RIMS1: variants seen among roughly 807,000 people sequenced by gnomAD.
RIMS1 encodes the protein regulating synaptic membrane exocytosis 1.
In RIMS1, 83 loss-of-function variants were observed where a neutral mutation model predicts 214.1. The ratio of observed to expected loss-of-function variants is 0.39; its 90% confidence interval spans 0.32 to 0.47. The LOEUF (loss-of-function observed/expected upper bound fraction) is 0.47, where lower values mean the gene tolerates loss of function less well. RIMS1 is among the 20% of genes least tolerant of loss of function. The probability of loss-of-function intolerance (pLI) is 0.99; values close to 1 mark genes in which losing one functional copy is unlikely to be tolerated. For missense variants in RIMS1, 2,050 were observed against 2,161.8 expected (o/e 0.95, Z 1.03); for synonymous variants, 793 against 786.8 (o/e 1.01, Z -0.13).
At chr6:72,048,461 AC>A (rs1823691020) in intron 2 of RIMS1, among the ~76,000 whole-genome samples, 1 of 152,228 alleles carries the variant, frequency 6.6e-6, no homozygotes, top group Non-Finnish European at 1.5e-5. Flanking sequence ...TTCATCAGTG[AC>A]TTTCAGAAAA....
intron 1 of RIMS1, among the ~76,000 whole-genome samples, chr6:71,936,596 C>T (rs1486620277): frequency 6.6e-6 from 1 of 152,172 alleles, no homozygotes; most frequent in Non-Finnish European, 1.5e-5. Context: ...AATAAAGCTT[C>T]CTCTATGGAA....
At chr6:72,390,462 C>A in intron 29 of RIMS1, 136 bp from the exon 30 acceptor site, 2 of 992,908 alleles carry the variant, frequency 2.0e-6, no homozygotes, top group Non-Finnish European at 1.4e-6. Flanking sequence ...AAGCAAAGTA[C>A]TCCCTTAGGT....
At chr6:72,073,402 A>G (rs904252677) in intron 2 of RIMS1, among the ~76,000 whole-genome samples, 1 of 152,218 alleles carries the variant, frequency 6.6e-6, no homozygotes, top group Non-Finnish European at 1.5e-5. Flanking sequence ...TTGCTAGCAG[A>G]ATAAAGAGAA....
intron 22 of RIMS1, among the ~76,000 whole-genome samples, chr6:72,270,690 C>G (rs997324657): frequency 7.2e-5 from 11 of 152,290 alleles, no homozygotes; most frequent in African/African-American, 2.6e-4. Context: ...GCTACAGGGT[C>G]AGGCCTCAGA....
At chr6:72,124,329 T>G (rs2039065432) in intron 4 of RIMS1, among the ~76,000 whole-genome samples, 1 of 151,972 alleles carries the variant, frequency 6.6e-6, no homozygotes, top group Admixed American at 6.6e-5. Flanking sequence ...GTAGAGTTTC[T>G]GCTGAGAGAT....
chr6:72,388,922 C>A (rs367602495), intron 29 of RIMS1, among the ~76,000 whole-genome samples: 68 of 152,160 alleles, frequency 4.5e-4, no homozygotes, highest in African/African-American at 1.6e-3. Context: ...AATGGAGCTA[C>A]TAGGCAATTG....
In RIMS1 at chr6:72,325,229, C is replaced by T. The variant is rs185325585; in HGVS notation, c.4131-8371C>T. On this transcript the variant is annotated intron_variant, in intron 28 of 33. Coordinates refer to ENST00000521978, the MANE Select transcript of RIMS1 (RefSeq NM_014989.7). ...ATAGAAAAAATAGGACAAAATCTCT[C>T]ATTAAAATAGAGAGACCCCAAACAA... Among the ~76,000 whole-genome samples the T allele has an allele frequency of 4.2e-3, 631 of 151,794 alleles. 5 individuals are homozygous for T. The highest frequency in any genetic ancestry group is 0.014 in the African/African-American group (575 of 41,460).
At chr6:71,901,788 A>G (rs530476549) in intron 1 of RIMS1, among the ~76,000 whole-genome samples, 2 of 152,242 alleles carry the variant, frequency 1.3e-5, no homozygotes, top group South Asian at 4.1e-4. Context: ...ACCTGAATCA[A>G]TTTTTTAAAA....
At chr6:72,068,287 CT>C (rs568131847) in intron 2 of RIMS1, among the ~76,000 whole-genome samples, 24 of 152,010 alleles carry the variant, frequency 1.6e-4, no homozygotes, top group African/African-American at 5.8e-4. Context: ...ACCTTTGTAG[CT>C]TTTTTTTATT....
intron 4 of RIMS1, among the ~76,000 whole-genome samples, chr6:72,140,274 A>C (rs2041923894): frequency 6.6e-6 from 1 of 152,144 alleles, no homozygotes; most frequent in South Asian, 2.1e-4. Flanking sequence ...AGCAAGGAAC[A>C]CTATTATTTT....
At chr6:72,216,779 C>T in intron 6 of RIMS1, 1 of 988,712 alleles carries the variant, frequency 1.0e-6, no homozygotes, top group Non-Finnish European at 1.2e-6. Context: ...TTAAGGACCA[C>T]AACGTTTCAT....
At chr6:72,018,093 C>T (rs890351543) in intron 2 of RIMS1, among the ~76,000 whole-genome samples, 3 of 151,518 alleles carry the variant, frequency 2.0e-5, no homozygotes, top group African/African-American at 4.9e-5. Flanking sequence ...ACTGTAGCTG[C>T]TGGGCTAAAC....
At chr6:72,219,181 G>A (rs1188446435) in intron 6 of RIMS1, among the ~76,000 whole-genome samples, 1 of 152,090 alleles carries the variant, frequency 6.6e-6, no homozygotes, top group African/African-American at 2.4e-5. Flanking sequence ...AATTTTCTAA[G>A]GCTAGGGAGA....
At chr6:72,247,257 T>G (rs2070441008) in intron 11 of RIMS1, among the ~76,000 whole-genome samples, 1 of 152,016 alleles carries the variant, frequency 6.6e-6, no homozygotes, top group Admixed American at 6.6e-5. Context: ...TTTTCAGAGG[T>G]TCAGGATACT....
At chr6:72,112,969 T>C (rs1414861650) in intron 4 of RIMS1, among the ~76,000 whole-genome samples, 2 of 152,162 alleles carry the variant, frequency 1.3e-5, no homozygotes, top group African/African-American at 4.8e-5. Context: ...GTCAGCTTCA[T>C]GTTACCAGGG....
chr6:71,904,986 A>G (rs531150905), intron 1 of RIMS1, among the ~76,000 whole-genome samples: 59 of 152,154 alleles, frequency 3.9e-4, no homozygotes, highest in Non-Finnish European at 7.1e-4. Context: ...ATAAGACAAT[A>G]TAGCAGGAAT....
At chr6:72,077,205 C>G (rs1832135816) in intron 2 of RIMS1, among the ~76,000 whole-genome samples, 1 of 152,188 alleles carries the variant, frequency 6.6e-6, no homozygotes, top group South Asian at 2.1e-4. Flanking sequence ...TCTATGTAGC[C>G]ATGTCCTACC....
intron 4 of RIMS1, among the ~76,000 whole-genome samples, chr6:72,163,741 G>A (rs1339688548): frequency 7.2e-6 from 1 of 139,284 alleles, no homozygotes; most frequent in Non-Finnish European, 1.6e-5. Flanking sequence ...TGTTCCTCTG[G>A]AAGTTTTGTC....
chr6:72,007,102 G>C (rs918315498), intron 2 of RIMS1, among the ~76,000 whole-genome samples: 1 of 152,152 alleles, frequency 6.6e-6, no homozygotes, highest in Non-Finnish European at 1.5e-5. Context: ...ACCTCACATG[G>C]CTGGGTACTC....
Sources: gnomAD v4.1 joint callset for allele counts (sites outside exome capture counted in the v4.1 genomes callset) on GRCh38, gnomAD v4.1.1 for gene constraint, MANE v1.5 for transcripts, NCBI Gene and HGNC (gene_info 2026-07-23, HGNC 2026-07-21) for gene names.